The following THRB variants were observed in gnomAD, a reference collection of about 807,000 sequenced individuals.
THRB encodes nuclear receptor subfamily 1 group A member 2.
Under a neutral mutation model 47.8 loss-of-function variants are expected in THRB, and 12 were observed. The ratio of observed to expected loss-of-function variants is 0.25; its 90% CI spans 0.16 to 0.41. The LOEUF (loss-of-function observed/expected upper bound fraction) is 0.41, where lower values mean the gene tolerates loss of function less well. THRB is among the 10% of genes least tolerant of loss of function. THRB has a pLI of 1.00. For synonymous variants in THRB, 218 were observed against 212.2 expected (o/e 1.03, Z -0.24); for missense variants, 348 against 589.2 (o/e 0.59, Z 4.24).
intron 3 of THRB, among the ~76,000 whole-genome samples, chr3:24,258,800 A>C (rs1204998667): frequency 6.6e-6 from 1 of 152,184 alleles, no homozygotes; most frequent in Non-Finnish European, 1.5e-5. Flanking sequence ...ATACATACAG[A>C]GGCCAAAGAA....
intron 1 of THRB, among the ~76,000 whole-genome samples, chr3:24,452,186 A>G (rs1219718276): frequency 1.3e-5 from 2 of 152,192 alleles, no homozygotes; most frequent in Non-Finnish European, 2.9e-5. Flanking sequence ...GTTAATACTG[A>G]TTCTGTCTTT....
At chr3:24,492,300 AG>A (rs1274279886) in intron 1 of THRB, among the ~76,000 whole-genome samples, 1 of 152,252 alleles carries the variant, frequency 6.6e-6, no homozygotes, top group Non-Finnish European at 1.5e-5. Flanking sequence ...GCGATCAACA[AG>A]CATCAATTGA....
At chr3:24,489,907 C>T (rs927458759) in intron 1 of THRB, among the ~76,000 whole-genome samples, 7 of 152,082 alleles carry the variant, frequency 4.6e-5, no homozygotes, top group African/African-American at 1.4e-4. Context: ...AGAAGCTCAC[C>T]GGTCTAAATA....
intron 3 of THRB, among the ~76,000 whole-genome samples, chr3:24,271,514 C>T (rs1441494344): frequency 6.6e-6 from 1 of 152,154 alleles, no homozygotes; most frequent in African/African-American, 2.4e-5. Flanking sequence ...AAACGAAGCA[C>T]ACTGAACTTG....
At chr3:24,405,556 G>A (rs1354109912) in intron 1 of THRB, among the ~76,000 whole-genome samples, 2 of 151,680 alleles carry the variant, frequency 1.3e-5, no homozygotes, top group Non-Finnish European at 2.9e-5. Flanking sequence ...TCTTGTAGAT[G>A]TTTTCCCATT....
intron 3 of THRB, among the ~76,000 whole-genome samples, chr3:24,284,551 C>T (rs1228380266): frequency 2.0e-5 from 3 of 151,736 alleles, no homozygotes; most frequent in Non-Finnish European, 2.9e-5. Context: ...ACACCAAAAG[C>T]AATGTCAACA....
chr3:24,144,837 C>T (rs2035890508), intron 7 of THRB: 1 of 152,012 alleles, frequency 6.6e-6, no homozygotes, highest in African/African-American at 2.4e-5. Context: ...AGACCCAGGA[C>T]TCCTGACTCC....
At chr3:24,317,290 G>A (rs1484596272) in intron 2 of THRB, among the ~76,000 whole-genome samples, 2 of 152,126 alleles carry the variant, frequency 1.3e-5, no homozygotes, top group African/African-American at 4.8e-5. Flanking sequence ...AAGTAAACAA[G>A]TTGCTACATA....
Position 24,265,379 on chromosome 3 carries a change from G to C in THRB, c.-43+31847C>G, listed in dbSNP as rs149486013. On this transcript the variant is annotated intron_variant, in intron 3 of 10. Transcript: ENST00000646209. ...TTTTGGAAATAATGAAAATAATTTA[G>C]GAAATGTCTCAGTGCTTCTCAGTAA... Among the ~76,000 whole-genome samples, 147 of 152,280 alleles carry C rather than the reference G, an allele frequency of 9.7e-4. 2 individuals are homozygous for C. The East Asian group carries it at 0.022, about 23-fold the overall frequency.
At position 24,119,101 on chromosome 3, in the gene THRB, C is replaced by T. The variant is rs2031183886; in HGVS notation, c.*3783G>A. On this transcript the variant is annotated 3_prime_UTR_variant, in exon 11 of 11. Transcript: ENST00000646209. ...AAATCCTTACCTGGATAATAAATAT[C>T]TACATCACAGTACAATAAAATTTCT... is the stretch of plus-strand genomic sequence containing the variant. 1 of 147,608 alleles carries T rather than the reference C, an allele frequency of 6.8e-6. No individual in the cohort carries two copies. Among genetic ancestry groups the T allele is most frequent in the Admixed American group, 7.0e-5 (1 of 14,346 alleles). The allele number at this position is 147,608 out of a possible 1,614,324, so 9.1% of individuals were successfully genotyped here.
intron 1 of THRB, among the ~76,000 whole-genome samples, chr3:24,488,805 C>T (rs1466064898): frequency 6.6e-6 from 1 of 152,124 alleles, no homozygotes; most frequent in Non-Finnish European, 1.5e-5. Context: ...AAATAGCAAA[C>T]AACTGTTTGC....
intron 1 of THRB, among the ~76,000 whole-genome samples, chr3:24,427,594 A>T (rs1407330779): frequency 6.6e-6 from 1 of 152,076 alleles, no homozygotes; most frequent in African/African-American, 2.4e-5. Flanking sequence ...TTATGCCATG[A>T]CTATTTCCAA....
intron 4 of THRB, among the ~76,000 whole-genome samples, chr3:24,195,212 ATT>A (rs1388911441): frequency 6.6e-6 from 1 of 152,136 alleles, no homozygotes; most frequent in African/African-American, 2.4e-5. Flanking sequence ...TTGGTTGAGC[ATT>A]TACTATGAGC....
intron 3 of THRB, among the ~76,000 whole-genome samples, chr3:24,252,543 T>C (rs1323613419): frequency 6.6e-6 from 1 of 151,534 alleles, no homozygotes; most frequent in East Asian, 1.9e-4. Context: ...TTTAAAATGG[T>C]GAAGACTTAC....
intron 9 of THRB, among the ~76,000 whole-genome samples, chr3:24,131,241 G>T (rs1272891339): frequency 1.3e-5 from 2 of 152,094 alleles, no homozygotes; most frequent in Non-Finnish European, 2.9e-5. Context: ...TTTGAAAAAA[G>T]ACTAAAATAG....
intron 1 of THRB, among the ~76,000 whole-genome samples, chr3:24,428,679 T>G (rs1306555031): frequency 1.3e-5 from 2 of 151,700 alleles, no homozygotes; most frequent in East Asian, 3.9e-4. Flanking sequence ...TTGGTTATGT[T>G]CGAGGCAAGA....
chr3:24,469,852 T>C (rs1462636328), intron 1 of THRB, among the ~76,000 whole-genome samples: 1 of 152,198 alleles, frequency 6.6e-6, no homozygotes, highest in Non-Finnish European at 1.5e-5. Context: ...GGCATAATCT[T>C]TTAGAATCTG....
At chr3:24,479,743 C>G (rs1420088808) in intron 1 of THRB, among the ~76,000 whole-genome samples, 1 of 152,142 alleles carries the variant, frequency 6.6e-6, no homozygotes, top group South Asian at 2.1e-4. Context: ...AGGTGGAAGT[C>G]GGGGTTACAG....
chr3:24,412,646 T>G (rs2068405020), intron 1 of THRB, among the ~76,000 whole-genome samples: 1 of 151,846 alleles, frequency 6.6e-6, no homozygotes, highest in South Asian at 2.1e-4. Flanking sequence ...AAAACCTCAG[T>G]AAAGCATCCC....
Sources: gnomAD v4.1 joint callset for allele counts (sites outside exome capture counted in the v4.1 genomes callset) on GRCh38, gnomAD v4.1.1 for gene constraint, MANE v1.5 for transcripts, NCBI Gene and HGNC (gene_info 2026-07-23, HGNC 2026-07-21) for gene names.